The following KCNIP4 variants were observed in gnomAD, a reference collection of about 807,000 sequenced individuals.
KCNIP4 encodes potassium voltage-gated channel interacting protein 4, also known as Kv channel-interacting protein 4.
KCNIP4 carries 12 observed loss-of-function variants against 34.0 expected under a neutral mutation model. The ratio of observed to expected loss-of-function variants is 0.35; its 90% CI spans 0.23 to 0.57. KCNIP4 has a LOEUF of 0.57. Ranked by LOEUF, KCNIP4 falls within the 20% of genes least tolerant of loss-of-function variation. The pLI, the probability that KCNIP4 is intolerant of heterozygous loss-of-function variation, is 0.83. For missense variants in KCNIP4, 238 were observed against 311.7 expected (o/e 0.76, Z 1.78); for synonymous variants, 124 against 102.2 (o/e 1.21, Z -1.29).
At chr4:21,485,996 TTTTGCAGCATAG>T in intron 1 of KCNIP4, among the ~76,000 whole-genome samples, 1 of 152,276 alleles carries the variant, frequency 6.6e-6, no homozygotes, top group East Asian at 1.9e-4. Context: ...ATTATTTTTC[TTTTGCAGCATAG>T]GAAGGAAGCT....
At chr4:21,842,527 T>C (rs200466214) in intron 1 of KCNIP4, among the ~76,000 whole-genome samples, 63 of 152,296 alleles carry the variant, frequency 4.1e-4, no homozygotes, top group East Asian at 3.9e-3. Flanking sequence ...ACTTTGACAC[T>C]AGATTTTATG....
Position 20,776,639 on chromosome 4 carries a change from T to C in KCNIP4, c.289-17749A>G, listed in dbSNP as rs1756394965. 3.3e-5 allele frequency among the ~76,000 whole-genome samples: 5 copies of C among 152,192 alleles called. No individual in the cohort carries two copies. The South Asian group carries it at 1.0e-3, about 31-fold the overall frequency. Reference sequence around the variant, plus strand: ...TAATATCTCCTTCTTTAAGAATGATTTCCCTAATTCTACCGTTAGGAAATT... The same window carrying C: ...TAATATCTCCTTCTTTAAGAATGATCTCCCTAATTCTACCGTTAGGAAATT... On this transcript the variant is annotated intron_variant, in intron 3 of 8. Transcript: ENST00000382152.
At chr4:21,010,273 C>T (rs2149730939) in intron 1 of KCNIP4, among the ~76,000 whole-genome samples, 1 of 152,292 alleles carries the variant, frequency 6.6e-6, no homozygotes, top group Non-Finnish European at 1.5e-5. Context: ...CTTCGCCAGT[C>T]ACTGAAAGAA....
At chr4:21,192,955 A>C (rs12504690) in intron 1 of KCNIP4, among the ~76,000 whole-genome samples, 31,401 of 138,396 alleles carry the variant, frequency 0.23, 3,985 homozygotes, top group East Asian at 0.44. Flanking sequence ...ACTACTACTA[A>C]TAATAATAAT....
intron 1 of KCNIP4, among the ~76,000 whole-genome samples, chr4:20,990,507 C>T (rs1335133359): frequency 1.3e-5 from 2 of 152,196 alleles, no homozygotes; most frequent in Non-Finnish European, 2.9e-5. Flanking sequence ...AAAAAACTAC[C>T]TTCCATCCTA....
chr4:21,115,909 T>C (rs896389194), intron 1 of KCNIP4, among the ~76,000 whole-genome samples: 1 of 152,218 alleles, frequency 6.6e-6, no homozygotes, highest in Non-Finnish European at 1.5e-5. Flanking sequence ...TTTTAGAACA[T>C]CTATGTAACC....
At chr4:21,217,639 T>C (rs987686861) in intron 1 of KCNIP4, among the ~76,000 whole-genome samples, 4 of 152,066 alleles carry the variant, frequency 2.6e-5, no homozygotes, top group Non-Finnish European at 4.4e-5. Context: ...TTTTGGGGAA[T>C]TGAGCTTAGG....
At chr4:20,994,525 A>G (rs1737367161) in intron 1 of KCNIP4, among the ~76,000 whole-genome samples, 2 of 152,224 alleles carry the variant, frequency 1.3e-5, no homozygotes, top group African/African-American at 4.8e-5. Context: ...AAAAGGGAAC[A>G]CTAAACAATT....
intron 1 of KCNIP4, among the ~76,000 whole-genome samples, chr4:20,897,871 C>T (rs905197375): frequency 9.9e-5 from 15 of 152,088 alleles, no homozygotes; most frequent in African/African-American, 1.4e-4. Context: ...CATTTTCTTA[C>T]GGCAGCCTAT....
rs144392569 is a variant in KCNIP4 at position 21,126,510 on chromosome 4, C to T, written c.62-243801G>A. On this transcript the variant is annotated intron_variant, in intron 1 of 8. Transcript: ENST00000382152. The stretch of plus-strand genomic sequence containing the variant: ...AACTCAAACAGAACTCAGATTTGAG[C>T]CATTGTGTATCTGACTCTAACTCCC... Among the ~76,000 whole-genome samples, 629 of 150,676 alleles carry T rather than the reference C, an allele frequency of 4.2e-3. 6 individuals carry two copies. Among genetic ancestry groups the T allele is most frequent in the African/African-American group, 0.014 (590 of 40,944 alleles).
chr4:21,855,390 C>T (rs1056149973), intron 1 of KCNIP4, among the ~76,000 whole-genome samples: 1 of 152,250 alleles, frequency 6.6e-6, no homozygotes, highest in Middle Eastern at 3.4e-3. Flanking sequence ...GTGTCTAAAC[C>T]GCTGAAGCTG....
chr4:21,869,226 A>G (rs1355406530), intron 1 of KCNIP4, among the ~76,000 whole-genome samples: 1 of 151,970 alleles, frequency 6.6e-6, no homozygotes, highest in Non-Finnish European at 1.5e-5. Flanking sequence ...TCCCAGCTAG[A>G]TCCTCATTGC....
intron 1 of KCNIP4, among the ~76,000 whole-genome samples, chr4:21,747,930 G>A (rs1260268091): frequency 6.6e-6 from 1 of 152,132 alleles, no homozygotes; most frequent in Non-Finnish European, 1.5e-5. Flanking sequence ...AAGCCATGTG[G>A]AGTCAGAGGC....
At chr4:21,216,881 C>T (rs1006027827) in intron 1 of KCNIP4, among the ~76,000 whole-genome samples, 8 of 152,080 alleles carry the variant, frequency 5.3e-5, no homozygotes, top group Admixed American at 2.6e-4. Flanking sequence ...CCCAAAGACA[C>T]GGTAAAAGGG....
intron 1 of KCNIP4, among the ~76,000 whole-genome samples, chr4:21,518,199 A>G (rs1156348385): frequency 6.6e-6 from 1 of 152,176 alleles, no homozygotes; most frequent in Middle Eastern, 3.2e-3. Flanking sequence ...TCAAACATTC[A>G]CTGGCTATCC....
rs143589694 is a variant in KCNIP4 at position 21,041,946 on chromosome 4, A to G, written c.62-159237T>C. Among the ~76,000 whole-genome samples the G allele has an allele frequency of 6.4e-4, 97 of 152,316 alleles. 1 individual carries two copies. In the East Asian group the frequency reaches 0.015, roughly 23 times the overall value. Reference sequence around the variant, plus strand: ...CTTGCTGCTGTGATCTTATCTATAAAAATAAAGACAAAATACCTAACTTTC... The same window carrying G: ...CTTGCTGCTGTGATCTTATCTATAAGAATAAAGACAAAATACCTAACTTTC... On this transcript the variant is annotated intron_variant, in intron 1 of 8. Transcript: ENST00000382152.
chr4:21,327,659 C>T (rs1348460119), intron 1 of KCNIP4, among the ~76,000 whole-genome samples: 1 of 152,044 alleles, frequency 6.6e-6, no homozygotes, highest in Admixed American at 6.6e-5. Context: ...TCTATATCTC[C>T]TCTTCAAGGC....
At chr4:20,947,083 G>A (rs1235356049) in intron 1 of KCNIP4, among the ~76,000 whole-genome samples, 1 of 152,148 alleles carries the variant, frequency 6.6e-6, no homozygotes, top group African/African-American at 2.4e-5. Flanking sequence ...TTAGTCTTGA[G>A]GGATCAGTGC....
rs1165494450 is a variant in KCNIP4, at chr4:20,850,663, G to A, written c.168C>T (p.Ser56=). The A allele has an allele frequency of 1.9e-6, 3 of 1,611,660 alleles. No individual in the cohort carries two copies. Among genetic ancestry groups the A allele is most frequent in the African/African-American group, 1.3e-5 (1 of 74,940 alleles). ...TGGCCATCTCCAGTTCATCTTCCAC[G>A]CTGTCTGTGGAGGAAAACAAGAAAG... is the stretch of plus-strand genomic sequence containing the variant. ...AKTSSPAIQN[S]VEDELEMATV... Residue 56 remains serine (S), a synonymous_variant, in exon 3 of 9, where the codon AGC becomes AGT. Transcript: ENST00000382152.
Sources: gnomAD v4.1 joint callset for allele counts (sites outside exome capture counted in the v4.1 genomes callset) on GRCh38, gnomAD v4.1.1 for gene constraint, MANE v1.5 for transcripts, NCBI Gene and HGNC (gene_info 2026-07-23, HGNC 2026-07-21) for gene names.